SNW1: variants seen among roughly 807,000 people sequenced by gnomAD.
SNW1 encodes the protein SNW domain containing 1.
Under a neutral mutation model 75.6 loss-of-function variants are expected in SNW1, and 9 were observed. That is an observed-to-expected ratio of 0.12 (90% confidence interval 0.07 to 0.21). SNW1 has a LOEUF of 0.21. Ranked by LOEUF, SNW1 falls within the 10% of genes least tolerant of loss-of-function variation. The pLI, the probability that SNW1 is intolerant of heterozygous loss-of-function variation, is 1.00. For synonymous variants in SNW1, 200 were observed against 219.1 expected (o/e 0.91, Z 0.77); for missense variants, 409 against 670.9 (o/e 0.61, Z 4.31).
intron 11 of SNW1, chr14:77,722,806 C>G (rs1013003972): frequency 2.5e-6 from 1 of 397,746 alleles, no homozygotes; most frequent in East Asian, 7.3e-5. Flanking sequence ...CTAAAAGGTA[C>G]AAAAAGGCCA....
intron 5 of SNW1, among the ~76,000 whole-genome samples, chr14:77,738,320 A>G (rs563885225): frequency 6.6e-6 from 1 of 151,958 alleles, no homozygotes; most frequent in East Asian, 1.9e-4. Context: ...AAAAAAGCAT[A>G]AAAAGAGGCC....
chr14:77,755,001 C>T lies in SNW1; in HGVS notation c.134G>A (p.Gly45Glu). Residue 45 changes from glycine to glutamate, a missense_variant, in exon 2 of 14, where the codon GGA becomes GAA. By Grantham distance (98) the Gly-to-Glu change is moderately conservative. This residue lies in a region of SNW1 where 73 missense variants were observed against 68.3 expected (regional missense o/e 1.07). Transcript: ENST00000261531. ...VSSRREPPPY[G>E]YRKGWIPRLL... The stretch of plus-strand genomic sequence containing the variant: ...CCGAGGTATCCAGCCTTTCCGGTAT[C>T]CGTACGGGGGAGGTTCTCTTCGGGA... 6.2e-7 allele frequency: 1 copy of T among 1,607,842 alleles called. No individual in the cohort carries two copies. Among genetic ancestry groups the T allele is most frequent in the East Asian group, 2.2e-5 (1 of 44,814 alleles).
intron 10 of SNW1, among the ~76,000 whole-genome samples, chr14:77,724,053 C>T (rs11625607): frequency 0.17 from 25,400 of 152,100 alleles, 2,440 homozygotes; most frequent in Non-Finnish European, 0.22. Context: ...ATCAAGCATG[C>T]GGCTAAAATA....
chr14:77,760,638 G>A, intron 1 of SNW1: 1 of 702,346 alleles, frequency 1.4e-6, no homozygotes, highest in South Asian at 1.5e-5. Context: ...TTCAGCTCCG[G>A]GCCTCTTTTT....
chr14:77,736,062 A>G (rs2080668718), intron 6 of SNW1, 56 bp from the exon 7 acceptor site: 7 of 1,267,918 alleles, frequency 5.5e-6, no homozygotes, highest in Non-Finnish European at 4.5e-6. Context: ...TTTAGTCATC[A>G]TATCAAGTCT....
chr14:77,733,738 G>GT (rs1188472986), intron 8 of SNW1, among the ~76,000 whole-genome samples: 1 of 47,306 alleles, frequency 2.1e-5, no homozygotes, highest in Non-Finnish European at 3.5e-5. Context: ...GAGCGAGACC[G>GT]TCTCAAAAAA....
intron 1 of SNW1, among the ~76,000 whole-genome samples, chr14:77,756,731 A>C (rs1242259729): frequency 6.6e-6 from 1 of 152,140 alleles, no homozygotes; most frequent in East Asian, 1.9e-4. Flanking sequence ...TAAAAATACA[A>C]AATTAGCCAG....
intron 12 of SNW1, 183 bp downstream of exon 12, chr14:77,720,528 C>T (rs1483661295): frequency 2.7e-6 from 2 of 735,246 alleles, no homozygotes; most frequent in Non-Finnish European, 5.0e-6. Flanking sequence ...TCTCAAATCT[C>T]AGCCCACTAT....
chr14:77,754,964 T>C lies in SNW1; in HGVS notation c.168+3A>G, dbSNP rs2080832999. 2 of 1,585,564 alleles carry C rather than the reference T, an allele frequency of 1.3e-6. No homozygotes were observed. Among genetic ancestry groups the C allele is most frequent in the African/African-American group, 2.7e-5 (2 of 73,980 alleles). On this transcript the variant is annotated splice_donor_region_variant and intron_variant, in intron 2 of 13. Coordinates refer to ENST00000261531, the MANE Select transcript of SNW1 (RefSeq NM_012245.3). ...CAAATCTAAACTTAAGATCTATATG[T>C]ACCTCTAATAACCGAGGTATCCAGC...
chr14:77,736,144 C>T (rs1224118910), intron 6 of SNW1, 138 bp from the exon 7 acceptor site: 6 of 584,234 alleles, frequency 1.0e-5, no homozygotes, highest in Non-Finnish European at 1.5e-5. Context: ...ATACATTTAC[C>T]ACTCCACTTT....
chr14:77,739,209 G>A (rs2080697802), intron 3 of SNW1, 148 bp from the exon 4 acceptor site: 1 of 650,566 alleles, frequency 1.5e-6, no homozygotes, highest in Non-Finnish European at 2.7e-6. Flanking sequence ...AACCAAGGAA[G>A]CTTAAAATAT....
At chr14:77,747,359 C>T (rs1312627077) in intron 3 of SNW1, among the ~76,000 whole-genome samples, 4 of 152,124 alleles carry the variant, frequency 2.6e-5, no homozygotes, top group African/African-American at 7.2e-5. Context: ...AAGTGAGGAG[C>T]GTCTCTGCCA....
chr14:77,730,629 A>AC (rs997911920), intron 10 of SNW1, among the ~76,000 whole-genome samples: 15 of 152,208 alleles, frequency 9.9e-5, no homozygotes, highest in African/African-American at 3.6e-4. Flanking sequence ...ACTCTGGATT[A>AC]CTTCACCATA....
At chr14:77,731,417 C>T (rs185836430) in intron 9 of SNW1, among the ~76,000 whole-genome samples, 29 of 152,272 alleles carry the variant, frequency 1.9e-4, no homozygotes, top group Non-Finnish European at 3.7e-4. Flanking sequence ...ATCTAAAGAA[C>T]AAAATTAAAG....
intron 8 of SNW1, chr14:77,733,931 T>C: frequency 2.2e-6 from 1 of 446,720 alleles, no homozygotes; most frequent in Non-Finnish European, 4.5e-6. Context: ...AAATGTTGAC[T>C]TTTAGTCCAT....
chr14:77,761,040 G>T (rs1007624497), intron 1 of SNW1, 74 bp downstream of exon 1: 1 of 1,614,218 alleles, frequency 6.2e-7, no homozygotes, highest in South Asian at 1.1e-5. Flanking sequence ...CCGCCCGGAG[G>T]GTATGGGAAG....
In SNW1 at chr14:77,738,802, T is replaced by G; in HGVS notation, c.509A>C (p.Lys170Thr). The change falls in exon 5 of 14, where the codon AAA becomes ACA. Residue 170 changes from lysine (K) to threonine (T), a missense_variant. Lys to Thr is a moderately conservative substitution (Grantham distance 78, BLOSUM62 -1). Coordinates refer to ENST00000261531, the MANE Select transcript of SNW1 (RefSeq NM_012245.3). The stretch of plus-strand genomic sequence containing the variant: ...CCGGATATACTGAGCAGGAGCCAAT[T>G]TGTCAGCTGCTCGAACTGGCATGGC... ...AAAMPVRAAD[K>T]LAPAQYIRYT... 1 of 1,614,106 alleles carries G rather than the reference T, an allele frequency of 6.2e-7. No homozygotes were observed. The highest frequency in any genetic ancestry group is 8.5e-7 in the Non-Finnish European group (1 of 1,179,956).
intron 2 of SNW1, among the ~76,000 whole-genome samples, chr14:77,753,740 T>TC (rs948295708): frequency 6.6e-6 from 1 of 151,916 alleles, no homozygotes; most frequent in African/African-American, 2.4e-5. Context: ...TCACCTGAAG[T>TC]CAGGAGTTCA....
chr14:77,754,527 A>G (rs2139933507), intron 2 of SNW1, among the ~76,000 whole-genome samples: 1 of 152,312 alleles, frequency 6.6e-6, no homozygotes, highest in African/African-American at 2.4e-5. Flanking sequence ...AGAGAAAGAA[A>G]TCAGCAAAGG....
Sources: gnomAD v4.1 joint callset for allele counts (sites outside exome capture counted in the v4.1 genomes callset) on GRCh38, gnomAD v4.1.1 for gene constraint, gnomAD v4.1.1 regional missense constraint, MANE v1.5 for transcripts, NCBI Gene and HGNC (gene_info 2026-07-23, HGNC 2026-07-21) for gene names.